Variants in CDH13 observed in about 807,000 individuals in gnomAD.
CDH13 encodes cadherin-13.
A neutral mutation model predicts 63.8 loss-of-function variants in CDH13; 24 were observed. That is an observed-to-expected ratio of 0.38 (90% CI 0.27 to 0.53). The LOEUF is 0.53. CDH13 is among the 20% of genes least tolerant of loss of function. The pLI is 0.85. For synonymous variants in CDH13, 503 were observed against 355.3 expected (o/e 1.42, Z -4.67); for missense variants, 1,049 against 903.1 (o/e 1.16, Z -2.07).
chr16:83,134,488 C>A (rs112980878), intron 4 of CDH13, among the ~76,000 whole-genome samples: 4,555 of 143,332 alleles, frequency 0.032, 102 homozygotes, highest in Non-Finnish European at 0.044. Flanking sequence ...CTGTGCCCAG[C>A]CAGTAGATCT....
At chr16:83,571,772 C>T (rs769319434) in intron 7 of CDH13, among the ~76,000 whole-genome samples, 23 of 152,148 alleles carry the variant, frequency 1.5e-4, no homozygotes, top group Non-Finnish European at 2.5e-4. Context: ...ATTTTCTTTT[C>T]GCTCATATCC....
chr16:83,793,467 G>A (rs1190922643), intron 13 of CDH13, among the ~76,000 whole-genome samples: 2 of 152,146 alleles, frequency 1.3e-5, no homozygotes, highest in African/African-American at 2.4e-5. Flanking sequence ...GCTCTTGAAC[G>A]CACACTATGC....
chr16:83,338,366 C>G (rs1305589720), intron 5 of CDH13, among the ~76,000 whole-genome samples: 1 of 152,048 alleles, frequency 6.6e-6, no homozygotes, highest in African/African-American at 2.4e-5. Flanking sequence ...GAGCTCAGGC[C>G]AAAACTTTGG....
chr16:83,070,617 G>A (rs990109848), intron 3 of CDH13, among the ~76,000 whole-genome samples: 9 of 152,096 alleles, frequency 5.9e-5, no homozygotes, highest in African/African-American at 2.2e-4. Flanking sequence ...TATAATCCAA[G>A]TTTTCTCAGG....
intron 5 of CDH13, among the ~76,000 whole-genome samples, chr16:83,315,599 G>GA (rs1451482846): frequency 6.7e-6 from 1 of 149,394 alleles, no homozygotes; most frequent in South Asian, 2.2e-4. Flanking sequence ...TGCTTCGGGG[G>GA]AAAAATAAAA....
At chr16:83,267,822 G>A (rs2088670886) in intron 5 of CDH13, among the ~76,000 whole-genome samples, 1 of 152,042 alleles carries the variant, frequency 6.6e-6, no homozygotes, top group East Asian at 1.9e-4. Flanking sequence ...ATATTATGTT[G>A]TCATAGCATA....
intron 5 of CDH13, among the ~76,000 whole-genome samples, chr16:83,328,417 G>T (rs961308577): frequency 6.6e-6 from 1 of 152,252 alleles, no homozygotes. Context: ...TACATCCAAG[G>T]TTCACATCAG....
chr16:82,910,993 G>T (rs746833494), intron 2 of CDH13, among the ~76,000 whole-genome samples: 4 of 152,162 alleles, frequency 2.6e-5, no homozygotes, highest in African/African-American at 9.7e-5. Flanking sequence ...GTAGGGTAAT[G>T]ATGCTGAGGT....
chr16:83,007,753 G>T (rs1292159764), intron 2 of CDH13, among the ~76,000 whole-genome samples: 1 of 151,820 alleles, frequency 6.6e-6, no homozygotes, highest in Non-Finnish European at 1.5e-5. Flanking sequence ...GAACCCAGGA[G>T]GCGGGGGTGG....
At chr16:82,663,029 T>C (rs995354821) in intron 1 of CDH13, among the ~76,000 whole-genome samples, 2 of 152,158 alleles carry the variant, frequency 1.3e-5, no homozygotes, top group Admixed American at 1.3e-4. Context: ...TTCCTACATG[T>C]AGCAGGCCAG....
intron 4 of CDH13, chr16:83,180,723 T>C (rs1429776377): frequency 8.0e-6 from 5 of 625,990 alleles, no homozygotes; most frequent in South Asian, 2.1e-5. Context: ...TGCATGCCAA[T>C]TTTAATTCTA....
chr16:83,403,545 C>T (rs183719805), intron 6 of CDH13, among the ~76,000 whole-genome samples: 111 of 152,166 alleles, frequency 7.3e-4, no homozygotes, highest in Admixed American at 3.9e-3. Context: ...GTGGCGTGAA[C>T]CTGGGAGGCA....
chr16:82,796,449 G>A (rs1597614136), intron 1 of CDH13, among the ~76,000 whole-genome samples: 1 of 152,186 alleles, frequency 6.6e-6, no homozygotes, highest in Non-Finnish European at 1.5e-5. Context: ...TCTGGGCCAT[G>A]CACTCTAGGA....
chr16:83,402,902 T>C (rs1225515080), intron 6 of CDH13, among the ~76,000 whole-genome samples: 2 of 152,204 alleles, frequency 1.3e-5, no homozygotes, highest in Non-Finnish European at 2.9e-5. Context: ...GAATCAAATT[T>C]TTAAATTAAT....
At chr16:82,842,145 T>TATATATAC (rs2039055567) in intron 1 of CDH13, among the ~76,000 whole-genome samples, 1 of 27,596 alleles carries the variant, frequency 3.6e-5, no homozygotes, top group African/African-American at 1.2e-4. Flanking sequence ...TATACACATA[T>TATATATAC]ATATATATAT....
chr16:83,008,814 G>T (rs1472268898), intron 2 of CDH13, among the ~76,000 whole-genome samples: 3 of 152,134 alleles, frequency 2.0e-5, no homozygotes, highest in Admixed American at 6.5e-5. Context: ...TGCTAATAAA[G>T]ACATGCCCAA....
At chr16:83,348,146 C>T (rs144963674) in intron 6 of CDH13, among the ~76,000 whole-genome samples, 2,458 of 152,186 alleles carry the variant, frequency 0.016, 30 homozygotes, top group East Asian at 0.051. Flanking sequence ...GCCAAGATCA[C>T]GCCACTGCAC....
chr16:83,482,757 C>CGT lies in CDH13; in HGVS notation c.782-3709_782-3708dup, dbSNP rs947759188. Among the ~76,000 whole-genome samples, 8 of 152,156 alleles carry CGT rather than the reference C, an allele frequency of 5.3e-5. No individual in the cohort carries two copies. The South Asian group carries it at 8.3e-4, about 16-fold the overall frequency. ...GTAGACTACAGAATGTGTGTGTGCA[C>CGT]GTGTGTGTGTGTTGTTGTGATATCC... On this transcript the variant is annotated intron_variant, in intron 6 of 13. Coordinates refer to ENST00000567109, the MANE Select transcript of CDH13 (RefSeq NM_001257.5).
In CDH13 at chr16:83,131,182, A is replaced by ACCCCCCCCCCC. The variant is rs1173636265; in HGVS notation, c.483+5690_483+5700dup. On this transcript the variant is annotated intron_variant, in intron 4 of 13. Coordinates refer to ENST00000567109, the MANE Select transcript of CDH13 (RefSeq NM_001257.5). ...GGTGGGGAGTATAAGGGGGTGTATG[A>ACCCCCCCCCCC]CCCCCCCCCCCCCCCCCCCGCCCAC... Among the ~76,000 whole-genome samples, 60 of 86,346 alleles carry ACCCCCCCCCCC rather than the reference A, an allele frequency of 6.9e-4. 13 individuals are homozygous for ACCCCCCCCCCC. Among genetic ancestry groups the ACCCCCCCCCCC allele is most frequent in the African/African-American group, 2.5e-3 (35 of 14,142 alleles). 56.6% of individuals were successfully genotyped at this position (86,346 alleles called of 152,430 possible). A position where few individuals can be genotyped will look rare whatever the true frequency, so the allele number is the denominator to read the frequency against.
Sources: allele counts gnomAD v4.1 joint callset (sites outside exome capture counted in the v4.1 genomes callset), GRCh38; gene constraint gnomAD v4.1.1; transcripts MANE v1.5; gene names NCBI Gene and HGNC (gene_info 2026-07-23, HGNC 2026-07-21).